Variants in TRAF3 observed in about 807,000 individuals in gnomAD.
TRAF3 encodes the protein TNF receptor-associated factor 3.
A neutral mutation model predicts 62.3 loss-of-function variants in TRAF3; 13 were observed. That is an observed-to-expected ratio of 0.21 (90% confidence interval 0.14 to 0.33). The LOEUF is 0.33. TRAF3 is among the 10% of genes least tolerant of loss of function. The probability of loss-of-function intolerance (pLI) is 1.00; values close to 1 mark genes in which losing one functional copy is unlikely to be tolerated. For synonymous variants in TRAF3, 269 were observed against 283.4 expected, an observed-to-expected ratio of 0.95 and a Z score of 0.51; for missense variants, 440 against 741.8, an observed-to-expected ratio of 0.59 and a Z score of 4.73.
At chr14:102,866,276 C>T (rs769734794) in intron 2 of TRAF3, among the ~76,000 whole-genome samples, 5 of 151,960 alleles carry the variant, frequency 3.3e-5, no homozygotes, top group African/African-American at 4.8e-5. Flanking sequence ...TGGGGCCTGT[C>T]GGAGGGTGGG....
Position 102,906,392 on chromosome 14 carries a change from T to G in TRAF3, c.*608T>G, listed in dbSNP as rs1890588017. The stretch of plus-strand genomic sequence containing the variant: ...CTAAATTCAGAATCATTTTTTAATT[T>G]AAAGTTCTACAAATAATTGTTACTG... On this transcript the variant is annotated 3_prime_UTR_variant, in exon 12 of 12. Transcript: ENST00000392745. 2.0e-5 allele frequency: 3 copies of G among 152,624 alleles called. No homozygotes were observed. The highest frequency in any genetic ancestry group is 7.2e-5 in the African/African-American group (3 of 41,466). The allele number at this position is 152,624 out of a possible 1,614,324, so 9.5% of individuals were successfully genotyped here. A position where few individuals can be genotyped will look rare whatever the true frequency, so the allele number is the denominator to read the frequency against.
At chr14:102,879,416 C>A (rs1417505147) in intron 6 of TRAF3, among the ~76,000 whole-genome samples, 1 of 152,056 alleles carries the variant, frequency 6.6e-6, no homozygotes, top group African/African-American at 2.4e-5. Context: ...TGCTACCATG[C>A]CTGGCTAATT....
chr14:102,780,793 G>A (rs187993962), intron 1 of TRAF3, among the ~76,000 whole-genome samples: 13 of 152,318 alleles, frequency 8.5e-5, no homozygotes, highest in African/African-American at 3.1e-4. Context: ...GTGAGACACA[G>A]CACCCATCTG....
intron 6 of TRAF3, among the ~76,000 whole-genome samples, chr14:102,880,273 G>A (rs911588285): frequency 1.3e-5 from 2 of 152,132 alleles, no homozygotes; most frequent in African/African-American, 4.8e-5. Context: ...GAGGCCAGGA[G>A]TTCAAAACCA....
rs772419639 is a variant in TRAF3, at chr14:102,897,407, A to G, written c.960+6A>G. ...CCAAAATCCTTCATTTACAGGTAAG[A>G]ATCTTAGGACTACGGCCAGATCAAA... On this transcript the variant is annotated splice_donor_region_variant and intron_variant, in intron 10 of 11. Coordinates refer to ENST00000392745, the MANE Select transcript of TRAF3 (RefSeq NM_145725.3). The G allele has an allele frequency of 6.2e-7, 1 of 1,613,540 alleles. No individual in the cohort carries two copies. The highest frequency in any genetic ancestry group is 8.5e-7 in the Non-Finnish European group (1 of 1,179,696).
Position 102,908,409 on chromosome 14 carries a change from A to G in TRAF3, c.*2625A>G, listed in dbSNP as rs1407853417. On this transcript the variant is annotated 3_prime_UTR_variant, in exon 12 of 12. Transcript: ENST00000392745. ...TCTGTTCTGAGTGTGTCTTCCTCTC[A>G]TGTACTCAACACAGTGGGCAGCAGC... 2 of 152,416 alleles carry G rather than the reference A, an allele frequency of 1.3e-5. No individual in the cohort carries two copies. The highest frequency in any genetic ancestry group is 2.1e-4 in the South Asian group (1 of 4,842). The allele number at this position is 152,416 out of a possible 1,614,324, so 9.4% of individuals were successfully genotyped here. A position where few individuals can be genotyped will look rare whatever the true frequency, so the allele number is the denominator to read the frequency against.
intron 1 of TRAF3, among the ~76,000 whole-genome samples, chr14:102,811,545 AG>A (rs983372657): frequency 9.1e-6 from 1 of 109,908 alleles, no homozygotes; most frequent in African/African-American, 3.4e-5. Context: ...TTTGCGCTGT[AG>A]GCGGTTTTTT....
At chr14:102,798,366 A>G (rs1898213589) in intron 1 of TRAF3, among the ~76,000 whole-genome samples, 1 of 151,916 alleles carries the variant, frequency 6.6e-6, no homozygotes, top group Admixed American at 6.6e-5. Flanking sequence ...TGGGCCAGGT[A>G]CGGTAGCTCA....
chr14:102,840,851 A>G (rs545391278), intron 2 of TRAF3, among the ~76,000 whole-genome samples: 4 of 152,340 alleles, frequency 2.6e-5, no homozygotes, highest in South Asian at 2.1e-4. Context: ...GGTTAGGACC[A>G]TGTTCCTTGA....
chr14:102,828,001 GT>G, intron 1 of TRAF3, among the ~76,000 whole-genome samples: 1 of 152,362 alleles, frequency 6.6e-6, no homozygotes, highest in East Asian at 1.9e-4. Context: ...CCCGCAGGGC[GT>G]ACCTGAGCCC....
chr14:102,855,920 C>T (rs1405176852), intron 2 of TRAF3, among the ~76,000 whole-genome samples: 4 of 151,710 alleles, frequency 2.6e-5, no homozygotes, highest in African/African-American at 9.7e-5. Flanking sequence ...AATGACACCC[C>T]GTCTCTACAG....
intron 1 of TRAF3, among the ~76,000 whole-genome samples, chr14:102,821,910 C>T (rs1291749589): frequency 4.6e-5 from 7 of 152,058 alleles, no homozygotes; most frequent in African/African-American, 1.4e-4. Context: ...GGTGTGGTGG[C>T]GTGTGCCTGT....
intron 1 of TRAF3, chr14:102,810,728 GAC>G (rs780449074): frequency 1.3e-5 from 2 of 152,218 alleles, no homozygotes; most frequent in Non-Finnish European, 2.9e-5. Context: ...TCAAGAGAAA[GAC>G]AACAATTCTT....
intron 1 of TRAF3, among the ~76,000 whole-genome samples, chr14:102,820,446 A>G (rs1899827975): frequency 6.6e-6 from 1 of 151,348 alleles, no homozygotes; most frequent in Admixed American, 6.6e-5. Flanking sequence ...ACTGGATTCA[A>G]CATACGTTTT....
At chr14:102,841,833 T>C (rs1221602131) in intron 2 of TRAF3, among the ~76,000 whole-genome samples, 1 of 152,072 alleles carries the variant, frequency 6.6e-6, no homozygotes, top group Non-Finnish European at 1.5e-5. Context: ...TTAAAATAAC[T>C]TATAAATATG....
chr14:102,899,271 T>G (rs796705853), intron 10 of TRAF3, among the ~76,000 whole-genome samples: 5 of 152,240 alleles, frequency 3.3e-5, no homozygotes, highest in African/African-American at 1.2e-4. Flanking sequence ...AAATGCTGAT[T>G]GAAAGCCTTC....
At chr14:102,789,133 C>G (rs1897657055) in intron 1 of TRAF3, among the ~76,000 whole-genome samples, 2 of 152,026 alleles carry the variant, frequency 1.3e-5, no homozygotes, top group Non-Finnish European at 2.9e-5. Flanking sequence ...TTTTTTGTAT[C>G]TGGCTGCTTT....
intron 11 of TRAF3, among the ~76,000 whole-genome samples, chr14:102,904,344 T>C (rs1595415803): frequency 6.6e-6 from 1 of 152,312 alleles, no homozygotes; most frequent in East Asian, 1.9e-4. Flanking sequence ...TTGCTGGTGT[T>C]ACCCCCAGAA....
intron 10 of TRAF3, among the ~76,000 whole-genome samples, chr14:102,898,390 C>A (rs1189965138): frequency 6.6e-6 from 1 of 152,234 alleles, no homozygotes; most frequent in Non-Finnish European, 1.5e-5. Context: ...CTTAAAACAC[C>A]AAGCCTCCCG....
Sources: allele counts gnomAD v4.1 joint callset (sites outside exome capture counted in the v4.1 genomes callset), GRCh38; gene constraint gnomAD v4.1.1; transcripts MANE v1.5; gene names NCBI Gene and HGNC (gene_info 2026-07-23, HGNC 2026-07-21).